The following CHRM3 variants were observed in gnomAD, a reference collection of about 807,000 sequenced individuals.
CHRM3 encodes cholinergic receptor muscarinic 3, also known as muscarinic acetylcholine receptor M3.
CHRM3 carries 11 observed loss-of-function variants against 41.8 expected under a neutral mutation model. The ratio of observed to expected loss-of-function variants is 0.26; its 90% CI spans 0.17 to 0.44. The LOEUF is 0.44. CHRM3 is among the 20% of genes least tolerant of loss of function. The pLI, the probability that CHRM3 is intolerant of heterozygous loss-of-function variation, is 1.00. For synonymous variants in CHRM3, 297 were observed against 301.4 expected, an observed-to-expected ratio of 0.99 and a Z score of 0.15; for missense variants, 571 against 745.4, an observed-to-expected ratio of 0.77 and a Z score of 2.72.
chr1:239,550,178 G>A (rs1659682529), intron 3 of CHRM3, among the ~76,000 whole-genome samples: 1 of 152,110 alleles, frequency 6.6e-6, no homozygotes, highest in African/African-American at 2.4e-5. Flanking sequence ...GCTTCCTTGT[G>A]CTTAGATGTA....
At chr1:239,404,466 GAAAA>G (rs772654805) in intron 1 of CHRM3, among the ~76,000 whole-genome samples, 153 of 123,350 alleles carry the variant, frequency 1.2e-3, no homozygotes, top group Non-Finnish European at 1.9e-3. Flanking sequence ...AAGAAAGAAA[GAAAA>G]AGAAAGAAAG....
chr1:239,531,338 A>C (rs988060033), intron 2 of CHRM3, among the ~76,000 whole-genome samples: 1 of 152,202 alleles, frequency 6.6e-6, no homozygotes, highest in African/African-American at 2.4e-5. Context: ...TGAGAGTCTA[A>C]AGATAAACTC....
Position 239,910,458 on chromosome 1 carries a change from G to A in CHRM3, c.*1234G>A, listed in dbSNP as rs554558020. 6.0e-6 allele frequency: 1 copy of A among 166,818 alleles called. No homozygotes were observed. The highest frequency in any genetic ancestry group is 2.1e-4 in the South Asian group (1 of 4,806). 10.3% of individuals were successfully genotyped at this position (166,818 alleles called of 1,614,324 possible). ...CCTTTGTTAATCAGCTGTGGCCAGTGCTTTCTGGTGTTCATTGTGTAACCT... is the reference window on the plus strand; with the variant it reads ...CCTTTGTTAATCAGCTGTGGCCAGTACTTTCTGGTGTTCATTGTGTAACCT... On this transcript the variant is annotated 3_prime_UTR_variant, in exon 7 of 7. Transcript: ENST00000676153.
At chr1:239,498,901 A>G (rs1197729798) in intron 2 of CHRM3, among the ~76,000 whole-genome samples, 1 of 152,174 alleles carries the variant, frequency 6.6e-6, no homozygotes, top group African/African-American at 2.4e-5. Flanking sequence ...ATAGTATGCT[A>G]TAACTGTTTT....
intron 5 of CHRM3, among the ~76,000 whole-genome samples, chr1:239,688,316 A>G (rs113939519): frequency 0.046 from 6,804 of 146,346 alleles, 270 homozygotes; most frequent in African/African-American, 0.098. Flanking sequence ...ATATGTACGT[A>G]TAGATATTTG....
intron 3 of CHRM3, among the ~76,000 whole-genome samples, chr1:239,580,704 T>TATATATATATATATATATACACATAC (rs570878631): frequency 3.1e-5 from 4 of 131,070 alleles, no homozygotes; most frequent in Admixed American, 8.2e-5. Flanking sequence ...TATATATATA[T>TATATATATATATATATATACACATAC]ACACACACAC....
intron 1 of CHRM3, among the ~76,000 whole-genome samples, chr1:239,426,555 G>C (rs1327653509): frequency 2.0e-5 from 3 of 151,780 alleles, no homozygotes; most frequent in African/African-American, 7.2e-5. Context: ...TTAAACATGA[G>C]TGTGTGAGCA....
At chr1:239,552,996 G>GTAAC (rs1660014037) in intron 3 of CHRM3, among the ~76,000 whole-genome samples, 1 of 152,028 alleles carries the variant, frequency 6.6e-6, no homozygotes, top group Non-Finnish European at 1.5e-5. Context: ...CCCTCAGCTA[G>GTAAC]TAACTGGAGG....
At chr1:239,500,443 A>C (rs1198292904) in intron 2 of CHRM3, among the ~76,000 whole-genome samples, 1 of 149,790 alleles carries the variant, frequency 6.7e-6, no homozygotes, top group Non-Finnish European at 1.5e-5. Context: ...AGGAAAGGGA[A>C]CATCACATAC....
At chr1:239,739,306 A>G (rs1207550335) in intron 5 of CHRM3, among the ~76,000 whole-genome samples, 2 of 152,206 alleles carry the variant, frequency 1.3e-5, no homozygotes, top group Non-Finnish European at 2.9e-5. Flanking sequence ...GGGGCTATTA[A>G]TAGGAGCTCA....
chr1:239,705,946 G>A (rs1355935614), intron 5 of CHRM3, among the ~76,000 whole-genome samples: 3 of 151,768 alleles, frequency 2.0e-5, no homozygotes, highest in Non-Finnish European at 4.4e-5. Flanking sequence ...AAAGGTAGAT[G>A]AGATTAAAAA....
chr1:239,563,777 G>C (rs1406908049), intron 3 of CHRM3, among the ~76,000 whole-genome samples: 1 of 152,054 alleles, frequency 6.6e-6, no homozygotes, highest in East Asian at 1.9e-4. Context: ...ATTTAGAGTA[G>C]AAACAAATAG....
intron 1 of CHRM3, among the ~76,000 whole-genome samples, chr1:239,451,730 T>G (rs1168591060): frequency 6.6e-6 from 1 of 152,136 alleles, no homozygotes. Flanking sequence ...GGGAAGAAAT[T>G]TATAAACACA....
intron 3 of CHRM3, among the ~76,000 whole-genome samples, chr1:239,554,960 C>T (rs376373446): frequency 6.6e-6 from 1 of 152,064 alleles, no homozygotes; most frequent in Non-Finnish European, 1.5e-5. Context: ...AAACTCCTGA[C>T]CTTATGATCC....
chr1:239,606,919 G>A (rs1204980228), intron 3 of CHRM3, among the ~76,000 whole-genome samples: 3 of 152,202 alleles, frequency 2.0e-5, no homozygotes, highest in Admixed American at 6.5e-5. Flanking sequence ...CAAGACTTAA[G>A]CCCTGAAAGG....
chr1:239,426,136 C>A (rs1171220826), intron 1 of CHRM3, among the ~76,000 whole-genome samples: 1 of 15,270 alleles, frequency 6.5e-5, no homozygotes, highest in Non-Finnish European at 1.6e-4. Flanking sequence ...CTATCCCTCC[C>A]CCCTCCCCCC....
At chr1:239,647,813 T>G (rs12090328) in intron 4 of CHRM3, among the ~76,000 whole-genome samples, 7,443 of 152,290 alleles carry the variant, frequency 0.049, 197 homozygotes, top group Middle Eastern at 0.11. Context: ...TTTATCATTC[T>G]GAAATGAAAA....
chr1:239,604,461 T>C (rs74422450), intron 3 of CHRM3, among the ~76,000 whole-genome samples: 341 of 152,358 alleles, frequency 2.2e-3, no homozygotes, highest in African/African-American at 7.8e-3. Flanking sequence ...ACTGAAATTA[T>C]TGAGAAATGG....
chr1:239,566,334 A>G lies in CHRM3; in HGVS notation c.-313+20585A>G, dbSNP rs545413303. ...TTATTACGTTAACCAGTTTAAGTGAATTACCAATGTCCAGCAAGACATTAC... is the reference window on the plus strand; with the variant it reads ...TTATTACGTTAACCAGTTTAAGTGAGTTACCAATGTCCAGCAAGACATTAC... On this transcript the variant is annotated intron_variant, in intron 3 of 6. Transcript: ENST00000676153. 2.6e-5 allele frequency among the ~76,000 whole-genome samples: 4 copies of G among 152,330 alleles called. No homozygotes were observed. The South Asian group carries it at 8.3e-4, about 32-fold the overall frequency.
Sources: allele counts gnomAD v4.1 joint callset (sites outside exome capture counted in the v4.1 genomes callset), GRCh38; gene constraint gnomAD v4.1.1; transcripts MANE v1.5; gene names NCBI Gene and HGNC (gene_info 2026-07-23, HGNC 2026-07-21).